Variants in FNDC3A observed in about 807,000 individuals in gnomAD.
The protein encoded by FNDC3A is fibronectin type III domain containing 3A, also known as fibronectin type-III domain-containing protein 3A.
FNDC3A carries 32 observed loss-of-function variants against 148.9 expected under a neutral mutation model. The ratio of observed to expected loss-of-function variants is 0.21; its 90% confidence interval spans 0.16 to 0.29. The LOEUF (loss-of-function observed/expected upper bound fraction) is 0.29, where lower values mean the gene tolerates loss of function less well. FNDC3A is among the 10% of genes least tolerant of loss of function. FNDC3A has a pLI of 1.00. For synonymous variants in FNDC3A, 472 were observed against 473.6 expected, an observed-to-expected ratio of 1.00 and a Z score of 0.04; for missense variants, 1,191 against 1,452.8, an observed-to-expected ratio of 0.82 and a Z score of 2.93.
intron 2 of FNDC3A, among the ~76,000 whole-genome samples, chr13:49,054,742 G>A (rs150363019): frequency 1.8e-3 from 274 of 152,338 alleles, no homozygotes; most frequent in Middle Eastern, 3.4e-3. Flanking sequence ...TGGGCAGAGA[G>A]GAGCTCAAGC....
At chr13:49,187,728 A>C (rs1593727034) in intron 16 of FNDC3A, 15 of 1,214,720 alleles carry the variant, frequency 1.2e-5, no homozygotes, top group South Asian at 5.1e-5. Flanking sequence ...AAATGGCGGC[A>C]CCTCACCAAG....
At chr13:49,120,570 A>ATTGGTG (rs2137894527) in intron 4 of FNDC3A, among the ~76,000 whole-genome samples, 1 of 152,204 alleles carries the variant, frequency 6.6e-6, no homozygotes, top group South Asian at 2.1e-4. Flanking sequence ...GTTGAGACCC[A>ATTGGTG]TTGGTGTGCT....
Position 49,198,468 on chromosome 13 carries a change from G to C in FNDC3A, c.2881G>C (p.Ala961Pro). 1 of 1,614,116 alleles carries C rather than the reference G, an allele frequency of 6.2e-7. No homozygotes were observed. The highest frequency in any genetic ancestry group is 1.1e-5 in the South Asian group (1 of 91,082). The change falls in exon 23 of 26, where the codon GCC (alanine) becomes CCC (proline). Residue 961 changes from alanine (A) to proline (P), a missense_variant. Transcript: ENST00000492622. ...PPDPPRLECV[A>P]FSHQNLKLKW... ...TGATCCACCTCGTCTGGAATGTGTT[G>C]CCTTTAGCCACCAGAACCTTAAGCT...
intron 8 of FNDC3A, among the ~76,000 whole-genome samples, chr13:49,156,776 A>C (rs1207411139): frequency 1.6e-5 from 2 of 125,102 alleles, no homozygotes; most frequent in African/African-American, 6.2e-5. Context: ...TCCTTCACTT[A>C]TGAAGCTTAG....
intron 1 of FNDC3A, among the ~76,000 whole-genome samples, chr13:48,989,811 G>C (rs973818307): frequency 1.5e-4 from 22 of 151,614 alleles, no homozygotes; most frequent in African/African-American, 5.1e-4. Context: ...GAGTGCAGTG[G>C]CACAATCTTG....
intron 2 of FNDC3A, among the ~76,000 whole-genome samples, chr13:49,008,629 T>C (rs1458098052): frequency 6.6e-6 from 1 of 152,208 alleles, no homozygotes; most frequent in Non-Finnish European, 1.5e-5. Context: ...ATTAATATTT[T>C]CTGGTTTAGT....
At chr13:49,172,141 T>C in intron 11 of FNDC3A, 45 bp downstream of exon 11, 1 of 1,207,976 alleles carries the variant, frequency 8.3e-7, no homozygotes, top group African/African-American at 1.5e-5. Flanking sequence ...TATGTGCATA[T>C]GTTCAGGCAA....
At chr13:49,031,907 A>C (rs1874147452) in intron 2 of FNDC3A, among the ~76,000 whole-genome samples, 1 of 152,194 alleles carries the variant, frequency 6.6e-6, no homozygotes, top group South Asian at 2.1e-4. Context: ...GTATCTGATA[A>C]GGGGCTTGTA....
intron 19 of FNDC3A, among the ~76,000 whole-genome samples, chr13:49,196,643 A>C (rs74577990): frequency 0.011 from 1,726 of 152,302 alleles, 36 homozygotes; most frequent in African/African-American, 0.039. Context: ...TTTCCTGAAG[A>C]AATAAGGGGC....
chr13:49,097,082 A>G (rs1879572600), intron 3 of FNDC3A, among the ~76,000 whole-genome samples: 1 of 152,018 alleles, frequency 6.6e-6, no homozygotes. Context: ...AAGTACCGTT[A>G]TATGCCACGC....
chr13:49,032,287 G>T (rs1263397843), intron 2 of FNDC3A, among the ~76,000 whole-genome samples: 1 of 151,944 alleles, frequency 6.6e-6, no homozygotes, highest in Non-Finnish European at 1.5e-5. Flanking sequence ...TCACTCCTAG[G>T]TATATATCCA....
chr13:48,988,844 CA>C (rs111401139), intron 1 of FNDC3A, among the ~76,000 whole-genome samples: 4,169 of 83,400 alleles, frequency 0.05, 143 homozygotes, highest in African/African-American at 0.15. Context: ...GAACTTGTCT[CA>C]AAAAAAAAAA....
intron 2 of FNDC3A, among the ~76,000 whole-genome samples, chr13:49,039,789 A>G (rs1378498452): frequency 1.3e-5 from 2 of 152,298 alleles, no homozygotes; most frequent in Admixed American, 1.3e-4. Context: ...ATCTCGGCTC[A>G]CTGCAACCTT....
At chr13:49,004,362 A>G (rs773308315) in intron 1 of FNDC3A, among the ~76,000 whole-genome samples, 1 of 152,124 alleles carries the variant, frequency 6.6e-6, no homozygotes, top group Admixed American at 6.6e-5. Context: ...AGATATGGCC[A>G]TACAATAAAC....
intron 2 of FNDC3A, among the ~76,000 whole-genome samples, chr13:49,058,167 C>A (rs1214591422): frequency 6.6e-6 from 1 of 152,040 alleles, no homozygotes; most frequent in Non-Finnish European, 1.5e-5. Context: ...ACCGAGCTCC[C>A]CGAGTGAGCA....
At chr13:49,092,977 C>T (rs1199504438) in intron 3 of FNDC3A, among the ~76,000 whole-genome samples, 2 of 152,004 alleles carry the variant, frequency 1.3e-5, no homozygotes, top group Admixed American at 1.3e-4. Context: ...AAGAGAGGAA[C>T]CTGAGATTCA....
Position 49,016,580 on chromosome 13 carries a change from G to C in FNDC3A, c.99+10291G>C, listed in dbSNP as rs1225494672. Among the ~76,000 whole-genome samples the C allele has an allele frequency of 5.3e-5, 8 of 152,156 alleles. No homozygotes were observed. The East Asian group carries it at 1.5e-3, about 29-fold the overall frequency. On this transcript the variant is annotated intron_variant, in intron 2 of 25. Coordinates refer to ENST00000492622, the MANE Select transcript of FNDC3A (RefSeq NM_001079673.2). ...CCTGGATTCATTAATTTTTTGAAGG[G>C]TTTTGTGTGTCTCTATTTCCTTCAG... is the stretch of plus-strand genomic sequence containing the variant.
At chr13:49,159,100 T>C (rs1489132473) in intron 8 of FNDC3A, among the ~76,000 whole-genome samples, 1 of 152,210 alleles carries the variant, frequency 6.6e-6, no homozygotes, top group African/African-American at 2.4e-5. Context: ...CTTGACAATG[T>C]GGGCTCTTTT....
chr13:49,063,139 C>T (rs1336682804), intron 2 of FNDC3A, among the ~76,000 whole-genome samples: 1 of 152,074 alleles, frequency 6.6e-6, no homozygotes, highest in African/African-American at 2.4e-5. Flanking sequence ...ATGAACATTT[C>T]TTGCTTAACT....
Sources: gnomAD v4.1 joint callset for allele counts (sites outside exome capture counted in the v4.1 genomes callset) on GRCh38, gnomAD v4.1.1 for gene constraint, MANE v1.5 for transcripts, NCBI Gene and HGNC (gene_info 2026-07-23, HGNC 2026-07-21) for gene names.